Variants in HDAC4 observed in about 807,000 individuals in gnomAD.
HDAC4 encodes histone deacetylase A.
Under a neutral mutation model 135.1 loss-of-function variants are expected in HDAC4, and 16 were observed. The ratio of observed to expected loss-of-function variants is 0.12; its 90% CI spans 0.08 to 0.18. The LOEUF (loss-of-function observed/expected upper bound fraction) is 0.18, where lower values mean the gene tolerates loss of function less well. Ranked by LOEUF, HDAC4 falls within the 10% of genes least tolerant of loss-of-function variation. The pLI is 1.00. For synonymous variants in HDAC4, 685 were observed against 653.4 expected, an observed-to-expected ratio of 1.05 and a Z score of -0.74; for missense variants, 1,143 against 1,511.8, an observed-to-expected ratio of 0.76 and a Z score of 4.05.
At chr2:239,172,614 C>T (rs1321891216) in intron 5 of HDAC4, among the ~76,000 whole-genome samples, 1 of 151,808 alleles carries the variant, frequency 6.6e-6, no homozygotes, top group Non-Finnish European at 1.5e-5. Context: ...CACAATACAC[C>T]CTAAGAAAAC....
At position 239,052,696 on chromosome 2, in the gene HDAC4, C is replaced by A; in HGVS notation, c.*401G>T. On this transcript the variant is annotated 3_prime_UTR_variant, in exon 27 of 27. Transcript: ENST00000543185. ...ATAAACTTTAAGCACCAGTTTTAAT[C>A]AAGTTTGTTTTGTATTATTAGATCT... 1 of 253,826 alleles carries A rather than the reference C, an allele frequency of 3.9e-6. No homozygotes were observed. Among genetic ancestry groups the A allele is most frequent in the South Asian group, 5.3e-5 (1 of 18,716 alleles). 15.7% of individuals were successfully genotyped at this position (253,826 alleles called of 1,614,324 possible).
rs1225124406 is a variant in HDAC4 at position 239,107,204 on chromosome 2, C to T, written c.2112+846G>A. On this transcript the variant is annotated intron_variant, in intron 15 of 26. Transcript: ENST00000543185. ...CCAGGGTGAAGAGCACCAGCTGGGA[C>T]AGCCTCACCAAAGTGCGGCCCCCGT... 2.6e-5 allele frequency among the ~76,000 whole-genome samples: 4 copies of T among 152,234 alleles called. No individual in the cohort carries two copies. The East Asian group carries it at 5.8e-4, about 22-fold the overall frequency.
intron 23 of HDAC4, 61 bp from the exon 24 acceptor site, chr2:239,066,916 A>C: frequency 6.3e-7 from 1 of 1,578,686 alleles, no homozygotes; most frequent in South Asian, 1.1e-5. Flanking sequence ...AGCACAGCCC[A>C]GAAACGCGTC....
At chr2:239,268,867 G>C (rs1201872234) in intron 2 of HDAC4, among the ~76,000 whole-genome samples, 1 of 152,186 alleles carries the variant, frequency 6.6e-6, no homozygotes, top group Admixed American at 6.5e-5. Flanking sequence ...ATGGTGCCAG[G>C]CTCCCTACCC....
intron 16 of HDAC4, among the ~76,000 whole-genome samples, chr2:239,098,130 A>G (rs1348100798): frequency 6.6e-6 from 1 of 152,190 alleles, no homozygotes; most frequent in Non-Finnish European, 1.5e-5. Flanking sequence ...CAAAACAACA[A>G]AGAAAAAGTA....
rs1292328216 is a variant in HDAC4 at position 239,400,042 on chromosome 2, T to A, written c.-220+936A>T. On this transcript the variant is annotated intron_variant, in intron 1 of 26. Coordinates refer to ENST00000543185, the MANE Select transcript of HDAC4 (RefSeq NM_001378414.1). The surrounding 1 kb of genome is among the most constrained non-coding windows in gnomAD (Gnocchi z 4.7). ...CTCCTCCTATAACAGTGTCAAATAATTCAACGCTCAATGTAAATACGAGAT... is the reference window on the plus strand; with the variant it reads ...CTCCTCCTATAACAGTGTCAAATAAATCAACGCTCAATGTAAATACGAGAT... Among the ~76,000 whole-genome samples the A allele has an allele frequency of 6.6e-6, 1 of 152,174 alleles. No individual in the cohort carries two copies. The highest frequency in any genetic ancestry group is 6.5e-5 in the Admixed American group (1 of 15,286).
intron 12 of HDAC4, among the ~76,000 whole-genome samples, chr2:239,121,459 G>C (rs3791439): frequency 0.1 from 15,180 of 152,258 alleles, 1,040 homozygotes; most frequent in East Asian, 0.35. Flanking sequence ...CTACCGTGCT[G>C]TGCATCAGGA....
chr2:239,098,254 C>T (rs557768161), intron 16 of HDAC4, among the ~76,000 whole-genome samples: 60 of 152,346 alleles, frequency 3.9e-4, no homozygotes, highest in African/African-American at 1.4e-3. Flanking sequence ...ATCACCAAGC[C>T]CAGGCCACGA....
At chr2:239,295,467 C>T (rs1224438295) in intron 2 of HDAC4, among the ~76,000 whole-genome samples, 5 of 152,228 alleles carry the variant, frequency 3.3e-5, no homozygotes, top group African/African-American at 7.2e-5. Context: ...ATGTTCACAG[C>T]TGAACCCAGG....
chr2:239,193,344 AT>A (rs960793333), intron 3 of HDAC4, among the ~76,000 whole-genome samples: 1 of 152,090 alleles, frequency 6.6e-6, no homozygotes, highest in Non-Finnish European at 1.5e-5. Flanking sequence ...CTTTTAAGGG[AT>A]TTTTTTTATT....
chr2:239,106,957 G>A (rs928472717), intron 15 of HDAC4, among the ~76,000 whole-genome samples: 2 of 152,186 alleles, frequency 1.3e-5, no homozygotes, highest in Non-Finnish European at 2.9e-5. Flanking sequence ...GGTGTGGGGA[G>A]TGGACATAGC....
At chr2:239,192,969 T>C (rs745419784) in intron 3 of HDAC4, among the ~76,000 whole-genome samples, 2 of 152,268 alleles carry the variant, frequency 1.3e-5, no homozygotes, top group Non-Finnish European at 2.9e-5. Flanking sequence ...TCTATATTTG[T>C]AGGTGAAACT....
chr2:239,083,257 C>A (rs1173004874), intron 20 of HDAC4, among the ~76,000 whole-genome samples: 3 of 152,256 alleles, frequency 2.0e-5, no homozygotes, highest in African/African-American at 7.2e-5. Context: ...GGTCCCCAGT[C>A]TTTAGCCATC....
chr2:239,281,356 CAATG>C (rs2050733129), intron 2 of HDAC4, among the ~76,000 whole-genome samples: 1 of 111,530 alleles, frequency 9.0e-6, no homozygotes, highest in Admixed American at 7.9e-5. Flanking sequence ...CACCACTCTA[CAATG>C]AACACACCAC....
intron 2 of HDAC4, among the ~76,000 whole-genome samples, chr2:239,256,544 A>T (rs1230766057): frequency 6.6e-6 from 1 of 152,236 alleles, no homozygotes; most frequent in Non-Finnish European, 1.5e-5. Context: ...CTTTCATAGA[A>T]GGTGTTGGCC....
At chr2:239,376,682 G>A (rs1206568244) in intron 1 of HDAC4, among the ~76,000 whole-genome samples, 1 of 152,208 alleles carries the variant, frequency 6.6e-6, no homozygotes. Flanking sequence ...TGTTAGTTCA[G>A]ACCGTGTGTT....
chr2:239,345,343 G>A (rs949184221), intron 2 of HDAC4, among the ~76,000 whole-genome samples: 5 of 152,136 alleles, frequency 3.3e-5, no homozygotes, highest in African/African-American at 1.2e-4. Context: ...GAGTCCAGGA[G>A]TTGGAGACCA....
rs12622036 is a variant in HDAC4, at chr2:239,197,917, G to A, written c.95-7840C>T. Among the ~76,000 whole-genome samples the A allele has an allele frequency of 2.7e-3, 408 of 150,408 alleles. 3 individuals are homozygous for A. The highest frequency in any genetic ancestry group is 9.6e-3 in the African/African-American group (391 of 40,876). ...CACCCAGGCTGGACTGCAGTGGTGC[G>A]ATCTTGGCTCAATACAACCTCCACC... On this transcript the variant is annotated intron_variant, in intron 3 of 26. Transcript: ENST00000543185.
At chr2:239,179,603 C>CA (rs2044008733) in intron 4 of HDAC4, among the ~76,000 whole-genome samples, 1 of 152,202 alleles carries the variant, frequency 6.6e-6, no homozygotes, top group Non-Finnish European at 1.5e-5. Context: ...TCCCTGGTGC[C>CA]AAAAAGGTCG....
Sources: allele counts gnomAD v4.1 joint callset (sites outside exome capture counted in the v4.1 genomes callset), GRCh38; gene constraint gnomAD v4.1.1; non-coding constraint Gnocchi (gnomAD v3.1); transcripts MANE v1.5; gene names NCBI Gene and HGNC (gene_info 2026-07-23, HGNC 2026-07-21).